The following CDC37L1 variants were observed in gnomAD, a reference collection of about 807,000 sequenced individuals.
The protein encoded by CDC37L1 is hsp90 co-chaperone Cdc37-like 1.
CDC37L1 carries 32 observed loss-of-function variants against 45.9 expected under a neutral mutation model. The observed-to-expected ratio is 0.70, with a 90% CI of 0.53 to 0.94. CDC37L1 has a LOEUF of 0.94. Among genes scored for constraint, CDC37L1 ranks in the 40% least tolerant of loss-of-function variants. CDC37L1 has a pLI of 0.00. For synonymous variants in CDC37L1, 150 were observed against 133.0 expected (o/e 1.13, Z -0.88); for missense variants, 434 against 405.7 (o/e 1.07, Z -0.60).
In CDC37L1 at chr9:4,679,598, G is replaced by T. The variant is rs1295358478; in HGVS notation, c.-170G>T. 2.4e-5 allele frequency: 14 copies of T among 574,402 alleles called. No homozygotes were observed. The highest frequency in any genetic ancestry group is 3.9e-5 in the Non-Finnish European group (13 of 333,042). 35.6% of individuals were successfully genotyped at this position (574,402 alleles called of 1,614,324 possible). On this transcript the variant is annotated 5_prime_UTR_variant, in exon 1 of 7. In the 5' UTR this introduces an upstream ATG that the reference lacks. Transcript: ENST00000381854. ...CGCCGTCCGCCGGTGGCGAGGCCCA[G>T]GCTGTCGCCGGGTGTGCAGCGGCGT...
Position 4,682,999 on chromosome 9 carries a change from A to T in CDC37L1, c.133-1878A>T, listed in dbSNP as rs1288392761. Reference sequence around the variant, plus strand: ...TTTATATTAAAATATTTTATATTAAAATATAATATATATATTAAATATATA... The same window carrying T: ...TTTATATTAAAATATTTTATATTAATATATAATATATATATTAAATATATA... On this transcript the variant is annotated intron_variant, in intron 1 of 6. Coordinates refer to ENST00000381854, the MANE Select transcript of CDC37L1 (RefSeq NM_017913.4). Among the ~76,000 whole-genome samples, 3 of 143,666 alleles carry T rather than the reference A, an allele frequency of 2.1e-5. No homozygotes were observed. In the Admixed American group the frequency reaches 2.1e-4, roughly 10 times the overall value. 94.3% of individuals were successfully genotyped at this position (143,666 alleles called of 152,430 possible). A position where few individuals can be genotyped will look rare whatever the true frequency, so the allele number is the denominator to read the frequency against.
Position 4,685,013 on chromosome 9 carries a change from A to C in CDC37L1, c.269A>C (p.Asp90Ala). The C allele has an allele frequency of 6.2e-7, 1 of 1,614,186 alleles. No individual in the cohort carries two copies. The highest frequency in any genetic ancestry group is 1.1e-5 in the South Asian group (1 of 91,090). ...SLALHNSESL[D>A]QEHAKAQTAV... ...GCACTGCATAATTCTGAGTCCTTGG[A>C]TCAGGAGCATGCCAAAGCACAAACA... Residue 90 changes from aspartate (D) to alanine (A), a missense_variant, in exon 2 of 7, where the codon GAT (aspartate) becomes GCT (alanine). Coordinates refer to ENST00000381854, the MANE Select transcript of CDC37L1 (RefSeq NM_017913.4).
chr9:4,695,443 ACT>A (rs760496935), intron 3 of CDC37L1, among the ~76,000 whole-genome samples: 1 of 152,202 alleles, frequency 6.6e-6, no homozygotes, highest in African/African-American at 2.4e-5. Flanking sequence ...TGGGGAAATA[ACT>A]TTATAAAGCT....
rs999929393 is a variant in CDC37L1, at chr9:4,679,610, G to C, written c.-158G>C. 3.2e-6 allele frequency: 2 copies of C among 619,078 alleles called. No individual in the cohort carries two copies. The highest frequency in any genetic ancestry group is 2.7e-6 in the Non-Finnish European group (1 of 370,100). 38.3% of individuals were successfully genotyped at this position (619,078 alleles called of 1,614,324 possible). A position where few individuals can be genotyped will look rare whatever the true frequency, so the allele number is the denominator to read the frequency against. On this transcript the variant is annotated 5_prime_UTR_variant, in exon 1 of 7. Coordinates refer to ENST00000381854, the MANE Select transcript of CDC37L1 (RefSeq NM_017913.4). ...GTGGCGAGGCCCAGGCTGTCGCCGGGTGTGCAGCGGCGTCGCGGCCAGTAG... is the reference window on the plus strand; with the variant it reads ...GTGGCGAGGCCCAGGCTGTCGCCGGCTGTGCAGCGGCGTCGCGGCCAGTAG...
At chr9:4,685,561 A>T in intron 2 of CDC37L1, 1 of 159,114 alleles carries the variant, frequency 6.3e-6, no homozygotes, top group Non-Finnish European at 1.4e-5. Context: ...CTTTTTATAA[A>T]TGAAGAAACT....
chr9:4,708,227 A>G lies in CDC37L1; in HGVS notation c.*2115A>G, dbSNP rs1246888575. On this transcript the variant is annotated 3_prime_UTR_variant, in exon 7 of 7. Coordinates refer to ENST00000381854, the MANE Select transcript of CDC37L1 (RefSeq NM_017913.4). ...TTTTGTTTCTGAAGAAATAAAGAGT[A>G]TATTAAGCAAAGGGATAATTTATAT... 1.3e-5 allele frequency: 2 copies of G among 152,242 alleles called. No homozygotes were observed. Among genetic ancestry groups the G allele is most frequent in the African/African-American group, 4.8e-5 (2 of 41,466 alleles). The allele number at this position is 152,242 out of a possible 1,614,324, so 9.4% of individuals were successfully genotyped here.
At chr9:4,702,274 A>C (rs1301849564) in intron 6 of CDC37L1, among the ~76,000 whole-genome samples, 2 of 152,184 alleles carry the variant, frequency 1.3e-5, no homozygotes, top group African/African-American at 4.8e-5. Flanking sequence ...ACCATTCTTA[A>C]GAACAAATCT....
intron 2 of CDC37L1, 50 bp from the exon 3 acceptor site, chr9:4,688,463 A>G (rs1180701355): frequency 2.0e-6 from 2 of 992,276 alleles, no homozygotes; most frequent in Non-Finnish European, 2.9e-6. Context: ...GAGAAAGAAG[A>G]TTCAATTAGA....
intron 3 of CDC37L1, among the ~76,000 whole-genome samples, chr9:4,692,628 A>G (rs1020845718): frequency 6.6e-6 from 1 of 152,206 alleles, no homozygotes; most frequent in Non-Finnish European, 1.5e-5. Flanking sequence ...ATACATCAAA[A>G]TGTTAACAGT....
In CDC37L1 at chr9:4,701,845, T is replaced by G; in HGVS notation, c.748-19T>G. 3.2e-6 allele frequency: 5 copies of G among 1,570,122 alleles called. No individual in the cohort carries two copies. Among genetic ancestry groups the G allele is most frequent in the Non-Finnish European group, 4.3e-6 (5 of 1,159,880 alleles). On this transcript the variant is annotated intron_variant, in intron 5 of 6. Coordinates refer to ENST00000381854, the MANE Select transcript of CDC37L1 (RefSeq NM_017913.4). ...ATCTTGAAGAACACAGTCTTTGTTT[T>G]TTTTTTTGTTTTTTCTAGGCAGAGG... is the stretch of plus-strand genomic sequence containing the variant.
chr9:4,697,724 A>G (rs1475361959), intron 4 of CDC37L1, 33 bp from the exon 5 acceptor site: 2 of 1,052,462 alleles, frequency 1.9e-6, no homozygotes, highest in African/African-American at 1.6e-5. Flanking sequence ...ATATTTATAT[A>G]TTTGTTTCTT....
chr9:4,701,783 C>G, intron 5 of CDC37L1, 81 bp from the exon 6 acceptor site: 1 of 1,029,380 alleles, frequency 9.7e-7, no homozygotes, highest in Non-Finnish European at 1.4e-6. Context: ...CCACTTCAAA[C>G]CTGTTATATG....
chr9:4,690,262 AT>A (rs1404809037), intron 3 of CDC37L1, among the ~76,000 whole-genome samples: 1 of 152,228 alleles, frequency 6.6e-6, no homozygotes, highest in Non-Finnish European at 1.5e-5. Flanking sequence ...TGTATTACTG[AT>A]TAGAAGCATG....
intron 6 of CDC37L1, 44 bp downstream of exon 6, chr9:4,702,072 C>A: frequency 1.9e-6 from 2 of 1,059,362 alleles, no homozygotes; most frequent in Non-Finnish European, 2.6e-6. Context: ...CCTATTAATT[C>A]ACATAATTTT....
intron 5 of CDC37L1, among the ~76,000 whole-genome samples, chr9:4,698,594 C>A (rs10122598): frequency 0.32 from 47,834 of 151,542 alleles, 8,383 homozygotes; most frequent in African/African-American, 0.48. Flanking sequence ...TAAATTGGAA[C>A]AACCACTTTA....
At chr9:4,683,874 T>A (rs1013482255) in intron 1 of CDC37L1, among the ~76,000 whole-genome samples, 1 of 152,234 alleles carries the variant, frequency 6.6e-6, no homozygotes, top group Non-Finnish European at 1.5e-5. Context: ...AGCCAAGGAA[T>A]ATAGGGTATT....
At position 4,697,229 on chromosome 9, in the gene CDC37L1, T is replaced by C; in HGVS notation, c.624+18T>C. On this transcript the variant is annotated intron_variant, in intron 4 of 6. Transcript: ENST00000381854. Reference sequence around the variant, plus strand: ...CTGAGAAGGTATTATTATGTGAACCTTGAGTTTCTGGGAACCTTAGTGGAA... The same window carrying C: ...CTGAGAAGGTATTATTATGTGAACCCTGAGTTTCTGGGAACCTTAGTGGAA... 3.6e-6 allele frequency: 4 copies of C among 1,117,068 alleles called. No homozygotes were observed. The highest frequency in any genetic ancestry group is 1.3e-5 in the South Asian group (1 of 78,160). 69.2% of individuals were successfully genotyped at this position (1,117,068 alleles called of 1,614,324 possible).
At chr9:4,694,073 T>C (rs1841325134) in intron 3 of CDC37L1, among the ~76,000 whole-genome samples, 1 of 152,218 alleles carries the variant, frequency 6.6e-6, no homozygotes, top group African/African-American at 2.4e-5. Context: ...ACTGAGTTGT[T>C]GATTCTCCTT....
intron 5 of CDC37L1, among the ~76,000 whole-genome samples, chr9:4,698,851 T>C (rs1330296624): frequency 6.6e-6 from 1 of 152,190 alleles, no homozygotes; most frequent in East Asian, 1.9e-4. Context: ...TATGAGAATC[T>C]AGCCATCTTC....
Sources: gnomAD v4.1 joint callset for allele counts (sites outside exome capture counted in the v4.1 genomes callset) on GRCh38, gnomAD v4.1.1 for gene constraint, MANE v1.5 for transcripts, NCBI Gene and HGNC (gene_info 2026-07-23, HGNC 2026-07-21) for gene names.